Variants in ASIC2 observed in about 807,000 individuals in gnomAD.
The protein encoded by ASIC2 is acid-sensing ion channel 2.
A neutral mutation model predicts 57.3 loss-of-function variants in ASIC2; 25 were observed. The observed-to-expected ratio is 0.44, with a 90% CI of 0.32 to 0.61. ASIC2 has a LOEUF of 0.61. Among genes scored for constraint, ASIC2 ranks in the 20% least tolerant of loss-of-function variants. The pLI, the probability that ASIC2 is intolerant of heterozygous loss-of-function variation, is 0.06. For synonymous variants in ASIC2, 319 were observed against 307.5 expected (o/e 1.04, Z -0.39); for missense variants, 641 against 738.1 (o/e 0.87, Z 1.52).
intron 1 of ASIC2, among the ~76,000 whole-genome samples, chr17:33,277,224 T>C (rs952171554): frequency 3.3e-5 from 5 of 152,188 alleles, no homozygotes; most frequent in Non-Finnish European, 7.4e-5. Flanking sequence ...GTGCTCTCCA[T>C]TGGGATCAGG....
chr17:33,038,255 T>G (rs1183549766), intron 3 of ASIC2, among the ~76,000 whole-genome samples: 1 of 152,238 alleles, frequency 6.6e-6, no homozygotes, highest in Non-Finnish European at 1.5e-5. Flanking sequence ...TTCTATCCTT[T>G]CATTTATTCA....
At chr17:34,018,157 A>G (rs899496342) in intron 1 of ASIC2, among the ~76,000 whole-genome samples, 9 of 152,316 alleles carry the variant, frequency 5.9e-5, no homozygotes, top group African/African-American at 2.2e-4. Context: ...GTTGAAGCCA[A>G]TGCTCATTTG....
chr17:33,681,306 T>C (rs1303457337), intron 1 of ASIC2, among the ~76,000 whole-genome samples: 1 of 152,188 alleles, frequency 6.6e-6, no homozygotes, highest in Non-Finnish European at 1.5e-5. Context: ...TAATTCTTTG[T>C]TGTGGGGCTG....
chr17:33,017,745 A>G, intron 7 of ASIC2, 61 bp from the exon 8 acceptor site: 1 of 1,499,268 alleles, frequency 6.7e-7, no homozygotes, highest in Non-Finnish European at 9.3e-7. Context: ...AAGGGTGAAC[A>G]GACTGAGATG....
At chr17:34,092,348 A>G (rs1910364726) in intron 1 of ASIC2, among the ~76,000 whole-genome samples, 1 of 152,232 alleles carries the variant, frequency 6.6e-6, no homozygotes, top group Non-Finnish European at 1.5e-5. Context: ...GATGGGCTCC[A>G]GCTCCTTTAA....
chr17:33,721,605 C>A (rs1391988794), intron 1 of ASIC2, among the ~76,000 whole-genome samples: 5 of 152,200 alleles, frequency 3.3e-5, no homozygotes, highest in African/African-American at 9.6e-5. Flanking sequence ...GAGAAATAAA[C>A]CTTTAACATT....
chr17:33,147,241 A>G (rs1444142885), intron 1 of ASIC2, among the ~76,000 whole-genome samples: 3 of 152,242 alleles, frequency 2.0e-5, no homozygotes, highest in Non-Finnish European at 4.4e-5. Flanking sequence ...AAAAAAGCAG[A>G]CTTAAAAAGT....
At chr17:33,185,334 T>C (rs1195785422) in intron 1 of ASIC2, among the ~76,000 whole-genome samples, 1 of 152,210 alleles carries the variant, frequency 6.6e-6, no homozygotes, top group African/African-American at 2.4e-5. Context: ...CTTGGGTGAC[T>C]ATTTTTGTTA....
chr17:33,017,647 A>G lies in ASIC2; in HGVS notation c.1479T>C (p.Ala493=). 6.2e-7 allele frequency: 1 copy of G among 1,613,862 alleles called. No individual in the cohort carries two copies. Among genetic ancestry groups the G allele is most frequent in the Non-Finnish European group, 8.5e-7 (1 of 1,179,720 alleles). The change falls in exon 8 of 10, where the codon GCT becomes GCC. Residue 493 remains alanine, a synonymous_variant. Coordinates refer to ENST00000225823, the MANE Select transcript of ASIC2 (RefSeq NM_183377.2). ...IGGQMGLFIG[A]SILTILELFD... ...AGAGCTCTAGTATTGTAAGGATACT[A>G]GCACCAATGAACAATCCCATCTGAC...
intron 1 of ASIC2, among the ~76,000 whole-genome samples, chr17:33,498,384 C>G (rs1421186297): frequency 6.6e-6 from 1 of 152,174 alleles, no homozygotes; most frequent in African/African-American, 2.4e-5. Context: ...AGCGTGGCTG[C>G]TGTAGGTGGG....
At chr17:33,964,692 C>A (rs1463665684) in intron 1 of ASIC2, among the ~76,000 whole-genome samples, 1 of 152,206 alleles carries the variant, frequency 6.6e-6, no homozygotes, top group Admixed American at 6.5e-5. Flanking sequence ...CCCCATCTGG[C>A]CACATATCCC....
At chr17:34,152,118 C>T (rs191914336) in intron 1 of ASIC2, among the ~76,000 whole-genome samples, 13 of 152,110 alleles carry the variant, frequency 8.5e-5, no homozygotes, top group African/African-American at 3.1e-4. Flanking sequence ...TTCACCTCCA[C>T]CATCTCTATA....
In ASIC2 at chr17:33,798,748, C is replaced by G. The variant is rs140989991; in HGVS notation, c.555+357230G>C. The stretch of plus-strand genomic sequence containing the variant: ...TGTGAAATGAGCTCATTCCCCAGCT[C>G]AATTTAGGCAGCATTTCCACTATCT... On this transcript the variant is annotated intron_variant, in intron 1 of 9. Coordinates refer to the ASIC2 transcript ENST00000359872. Among the ~76,000 whole-genome samples, 5 of 152,254 alleles carry G rather than the reference C, an allele frequency of 3.3e-5. No homozygotes were observed. The East Asian group carries it at 9.7e-4, about 29-fold the overall frequency.
At chr17:33,996,945 A>G (rs901109139) in intron 1 of ASIC2, among the ~76,000 whole-genome samples, 2 of 152,188 alleles carry the variant, frequency 1.3e-5, no homozygotes, top group Non-Finnish European at 2.9e-5. Context: ...ATCACTTTGG[A>G]TAGCATGGGC....
chr17:33,649,039 C>T (rs953465951), intron 1 of ASIC2, among the ~76,000 whole-genome samples: 3 of 152,116 alleles, frequency 2.0e-5, no homozygotes, highest in African/African-American at 4.8e-5. Flanking sequence ...CATTCAACAT[C>T]GTTCTGTAAG....
At chr17:34,136,195 G>A (rs937627852) in intron 1 of ASIC2, among the ~76,000 whole-genome samples, 1 of 152,146 alleles carries the variant, frequency 6.6e-6, no homozygotes, top group Non-Finnish European at 1.5e-5. Flanking sequence ...TGACTCTGAC[G>A]TAACATCACA....
chr17:33,368,761 C>T (rs761822274), intron 1 of ASIC2, among the ~76,000 whole-genome samples: 3 of 152,168 alleles, frequency 2.0e-5, no homozygotes, highest in Non-Finnish European at 4.4e-5. Flanking sequence ...CCTCTCTCCT[C>T]ACCAATGATG....
chr17:33,572,344 A>G (rs946454569), intron 1 of ASIC2: 2 of 151,914 alleles, frequency 1.3e-5, no homozygotes, highest in African/African-American at 4.8e-5. Flanking sequence ...GGTCCTGCCT[A>G]CACCCTCCTA....
intron 1 of ASIC2, among the ~76,000 whole-genome samples, chr17:33,365,514 T>C (rs1458962680): frequency 6.6e-6 from 1 of 152,172 alleles, no homozygotes; most frequent in East Asian, 1.9e-4. Flanking sequence ...GGGAGTTGTC[T>C]AAAATTAATT....
Sources: gnomAD v4.1 joint callset for allele counts (sites outside exome capture counted in the v4.1 genomes callset) on GRCh38, gnomAD v4.1.1 for gene constraint, MANE v1.5 for transcripts, NCBI Gene and HGNC (gene_info 2026-07-23, HGNC 2026-07-21) for gene names.